The following C8orf34 variants were observed in gnomAD, a reference collection of about 807,000 sequenced individuals.
C8orf34 encodes the protein uncharacterized protein C8orf34.
C8orf34 carries 65 observed loss-of-function variants against 68.3 expected under a neutral mutation model. The observed-to-expected ratio is 0.95, with a 90% CI of 0.78 to 1.17. C8orf34 has a LOEUF of 1.17. C8orf34 is among the 50% of genes most tolerant of loss of function. The probability of loss-of-function intolerance (pLI) is 0.00; values close to 1 mark genes in which losing one functional copy is unlikely to be tolerated. For missense variants in C8orf34, 664 were observed against 655.4 expected (o/e 1.01, Z -0.14); for synonymous variants, 244 against 241.2 (o/e 1.01, Z -0.11).
At chr8:68,403,089 G>T (rs1056467263) in intron 1 of C8orf34, among the ~76,000 whole-genome samples, 16 of 152,122 alleles carry the variant, frequency 1.1e-4, no homozygotes, top group Non-Finnish European at 1.9e-4. Context: ...ACTTCTTGAG[G>T]ATTCCAACTT....
At chr8:68,650,501 AC>A (rs1232155113) in intron 8 of C8orf34, among the ~76,000 whole-genome samples, 1 of 117,768 alleles carries the variant, frequency 8.5e-6, no homozygotes, top group South Asian at 2.7e-4. Context: ...TTTTTTTGAG[AC>A]GGAGTCTCGC....
intron 1 of C8orf34, among the ~76,000 whole-genome samples, chr8:68,414,387 C>T (rs956435817): frequency 3.9e-5 from 6 of 152,136 alleles, no homozygotes; most frequent in Admixed American, 2.0e-4. Flanking sequence ...GGAACCTTTG[C>T]TATCTGTAGA....
chr8:68,418,404 C>A (rs947913987), intron 1 of C8orf34, among the ~76,000 whole-genome samples: 3 of 152,030 alleles, frequency 2.0e-5, no homozygotes, highest in Admixed American at 1.3e-4. Context: ...TAGATTTTGC[C>A]CATTCAGTAT....
intron 8 of C8orf34, among the ~76,000 whole-genome samples, chr8:68,691,053 T>A (rs935240767): frequency 1.3e-5 from 2 of 152,108 alleles, no homozygotes; most frequent in African/African-American, 4.8e-5. Flanking sequence ...CCTGCTGGTT[T>A]CTTTTAAGTA....
At chr8:68,343,165 A>G (rs1806140490) in intron 1 of C8orf34, among the ~76,000 whole-genome samples, 1 of 152,216 alleles carries the variant, frequency 6.6e-6, no homozygotes, top group African/African-American at 2.4e-5. Context: ...AAGAAGAGAC[A>G]TTTCACATAA....
rs1333499791 is a variant in C8orf34 at position 68,775,068 on chromosome 8, A to G, written c.1405-1331A>G. Among the ~76,000 whole-genome samples the G allele has an allele frequency of 2.2e-4, 27 of 120,292 alleles. 1 individual carries two copies. The highest frequency in any genetic ancestry group is 2.5e-4 in the African/African-American group (8 of 31,854). 78.9% of individuals were successfully genotyped at this position (120,292 alleles called of 152,430 possible). A position where few individuals can be genotyped will look rare whatever the true frequency, so the allele number is the denominator to read the frequency against. On this transcript the variant is annotated intron_variant, in intron 10 of 13. Coordinates refer to ENST00000518698, the MANE Select transcript of C8orf34 (RefSeq NM_052958.4). Reference sequence around the variant, plus strand: ...GGGAGGCGGAAGTTGCAGTAAGCCCAGGAAAAAAAAAAAAAAAAGAAGAGT... The same window carrying G: ...GGGAGGCGGAAGTTGCAGTAAGCCCGGGAAAAAAAAAAAAAAAAGAAGAGT...
At chr8:68,480,987 C>T (rs905645798) in intron 4 of C8orf34, among the ~76,000 whole-genome samples, 5 of 152,188 alleles carry the variant, frequency 3.3e-5, no homozygotes, top group Non-Finnish European at 7.3e-5. Context: ...TAATGTTAAT[C>T]CCCAAGACCA....
chr8:68,475,839 G>A (rs1333513632), intron 4 of C8orf34, among the ~76,000 whole-genome samples: 4 of 152,168 alleles, frequency 2.6e-5, no homozygotes, highest in Non-Finnish European at 4.4e-5. Context: ...TGAGGTAGTG[G>A]TGGGATGAGT....
chr8:68,704,595 A>T (rs1278665161), intron 8 of C8orf34, among the ~76,000 whole-genome samples: 1 of 152,100 alleles, frequency 6.6e-6, no homozygotes, highest in Admixed American at 6.5e-5. Flanking sequence ...TGAGTCAAGG[A>T]TTATTTTGAG....
intron 1 of C8orf34, among the ~76,000 whole-genome samples, chr8:68,380,664 T>C (rs537488633): frequency 4.6e-5 from 7 of 152,340 alleles, no homozygotes; most frequent in African/African-American, 1.4e-4. Flanking sequence ...AAAAAACTCT[T>C]TATGCTACAC....
chr8:68,408,890 G>A (rs1308301558), intron 1 of C8orf34, among the ~76,000 whole-genome samples: 1 of 152,196 alleles, frequency 6.6e-6, no homozygotes, highest in Non-Finnish European at 1.5e-5. Context: ...CTGCGTTCAA[G>A]CGATTCTCCT....
chr8:68,394,657 A>C (rs1021285969), intron 1 of C8orf34, among the ~76,000 whole-genome samples: 7 of 152,110 alleles, frequency 4.6e-5, no homozygotes, highest in African/African-American at 1.7e-4. Flanking sequence ...TTTAATGATG[A>C]ATTTCATCTT....
chr8:68,549,566 TA>T (rs2130032867), intron 7 of C8orf34, among the ~76,000 whole-genome samples: 2 of 151,848 alleles, frequency 1.3e-5, no homozygotes, highest in South Asian at 4.1e-4. Context: ...ATTTTACTTC[TA>T]AAAAATAAAA....
At chr8:68,352,562 A>G (rs895027164) in intron 1 of C8orf34, among the ~76,000 whole-genome samples, 1 of 152,202 alleles carries the variant, frequency 6.6e-6, no homozygotes, top group South Asian at 2.1e-4. Flanking sequence ...GTTGCTGGGG[A>G]AAAGTGATCC....
chr8:68,679,477 T>C (rs976795779), intron 8 of C8orf34, among the ~76,000 whole-genome samples: 1 of 152,098 alleles, frequency 6.6e-6, no homozygotes, highest in Non-Finnish European at 1.5e-5. Flanking sequence ...AAGAATCAAA[T>C]TGGCAAAATG....
In C8orf34 at chr8:68,610,984, C is replaced by T. The variant is rs185438355; in HGVS notation, c.1106-29392C>T. On this transcript the variant is annotated intron_variant, in intron 7 of 13. Transcript: ENST00000518698. The stretch of plus-strand genomic sequence containing the variant: ...GGGTCAAGCTATTCTCCTGCCTCAG[C>T]CTTCCAAGTAGCTGGTAATATAGGC... 1.2e-4 allele frequency among the ~76,000 whole-genome samples: 18 copies of T among 151,914 alleles called. No homozygotes were observed. The East Asian group carries it at 3.1e-3, about 26-fold the overall frequency.
chr8:68,603,019 A>G (rs1287117271), intron 7 of C8orf34, among the ~76,000 whole-genome samples: 1 of 152,100 alleles, frequency 6.6e-6, no homozygotes, highest in Admixed American at 6.5e-5. Context: ...ATAGCAGGCA[A>G]TAAGAAAACC....
At chr8:68,515,592 T>C (rs927351772) in intron 5 of C8orf34, among the ~76,000 whole-genome samples, 1 of 152,116 alleles carries the variant, frequency 6.6e-6, no homozygotes, top group Non-Finnish European at 1.5e-5. Flanking sequence ...GTAACAAAAC[T>C]CGAGAGCCAC....
At chr8:68,703,098 T>C (rs1821066650) in intron 8 of C8orf34, among the ~76,000 whole-genome samples, 1 of 152,148 alleles carries the variant, frequency 6.6e-6, no homozygotes, top group South Asian at 2.1e-4. Flanking sequence ...CTTCCTTAAG[T>C]CTATTTTGTA....
Sources: allele counts gnomAD v4.1 joint callset (sites outside exome capture counted in the v4.1 genomes callset), GRCh38; gene constraint gnomAD v4.1.1; transcripts MANE v1.5; gene names NCBI Gene and HGNC (gene_info 2026-07-23, HGNC 2026-07-21).